Variants in COL5A2 observed in about 807,000 individuals in gnomAD.
COL5A2 encodes the protein collagen type V alpha 2 chain, also known as collagen alpha-2(V) chain.
COL5A2 carries 23 observed loss-of-function variants against 208.2 expected under a neutral mutation model. That is an observed-to-expected ratio of 0.11 (90% CI 0.08 to 0.16). The LOEUF (loss-of-function observed/expected upper bound fraction) is 0.16. Ranked by LOEUF, COL5A2 falls within the 10% of genes least tolerant of loss-of-function variation. COL5A2 has a pLI of 1.00. For synonymous variants in COL5A2, 625 were observed against 628.5 expected (o/e 0.99, Z 0.08); for missense variants, 1,590 against 1,956.4 (o/e 0.81, Z 3.53).
chr2:189,057,499 G>A (rs927735763), intron 33 of COL5A2, 72 bp from the exon 34 acceptor site: 1 of 1,125,122 alleles, frequency 8.9e-7, no homozygotes, highest in Non-Finnish European at 1.4e-6. Context: ...CTTTTTAGTG[G>A]GTCAAAAGTA....
chr2:189,129,574 G>C (rs1292418116), intron 1 of COL5A2, among the ~76,000 whole-genome samples: 1 of 151,862 alleles, frequency 6.6e-6, no homozygotes, highest in African/African-American at 2.4e-5. Context: ...AAGCTACTAG[G>C]TACTAGGTGA....
the COL5A2 span, among the ~76,000 whole-genome samples, chr2:189,293,674 A>ACCC: frequency 6.6e-6 from 1 of 152,286 alleles, no homozygotes; most frequent in Middle Eastern, 3.4e-3. Flanking sequence ...AGGACAGGCA[A>ACCC]AAAGACAGTT....
chr2:189,400,836 G>A, the COL5A2 span, among the ~76,000 whole-genome samples: 5 of 152,270 alleles, frequency 3.3e-5, no homozygotes, highest in Admixed American at 6.5e-5. Flanking sequence ...TAAACTGCAC[G>A]TGTAAAGGGG....
chr2:189,417,675 G>A, the COL5A2 span, among the ~76,000 whole-genome samples: 1 of 151,758 alleles, frequency 6.6e-6, no homozygotes, highest in African/African-American at 2.4e-5. Flanking sequence ...TCCCACATAT[G>A]GATGAGAATA....
chr2:189,084,692 T>A (rs989624337), intron 11 of COL5A2, among the ~76,000 whole-genome samples: 1 of 150,432 alleles, frequency 6.6e-6, no homozygotes, highest in Non-Finnish European at 1.5e-5. Context: ...TGGAGTTGGG[T>A]CTTAACTTTA....
the COL5A2 span, among the ~76,000 whole-genome samples, chr2:189,335,143 AT>A: frequency 1.3e-5 from 2 of 152,236 alleles, no homozygotes; most frequent in Admixed American, 6.5e-5. Flanking sequence ...GTAAGAGAAC[AT>A]CTTCACGACC....
chr2:189,157,902 T>C (rs1688285538), intron 1 of COL5A2, among the ~76,000 whole-genome samples: 1 of 151,994 alleles, frequency 6.6e-6, no homozygotes, highest in African/African-American at 2.4e-5. Flanking sequence ...AACAATATTT[T>C]TGTGGCAACT....
chr2:189,200,873 T>C (rs1689060516), intron 1 of COL5A2, among the ~76,000 whole-genome samples: 1 of 152,054 alleles, frequency 6.6e-6, no homozygotes, highest in South Asian at 2.1e-4. Flanking sequence ...CCCAGCAAGC[T>C]ATCTTTCAAA....
At chr2:189,290,717 T>TACACACACAC in the COL5A2 span, among the ~76,000 whole-genome samples, 16,935 of 136,414 alleles carry the variant, frequency 0.12, 1,220 homozygotes, top group South Asian at 0.18. Context: ...TTTTTGTTAA[T>TACACACACAC]ACACACACAC....
At chr2:189,399,382 A>G in the COL5A2 span, among the ~76,000 whole-genome samples, 1 of 150,596 alleles carries the variant, frequency 6.6e-6, no homozygotes, top group Non-Finnish European at 1.5e-5. Flanking sequence ...TCCCAAGTAG[A>G]TGGGATTACA....
At chr2:189,346,480 G>A in the COL5A2 span, among the ~76,000 whole-genome samples, 3 of 152,072 alleles carry the variant, frequency 2.0e-5, no homozygotes, top group East Asian at 1.9e-4. Context: ...CATCAAAATC[G>A]TCACATATAT....
the COL5A2 span, among the ~76,000 whole-genome samples, chr2:189,245,866 T>C: frequency 6.6e-6 from 1 of 152,202 alleles, no homozygotes; most frequent in Non-Finnish European, 1.5e-5. Flanking sequence ...ATTGATGTCA[T>C]TACAACTTTT....
intron 1 of COL5A2, among the ~76,000 whole-genome samples, chr2:189,146,397 C>A (rs1204503864): frequency 6.6e-6 from 1 of 151,948 alleles, no homozygotes; most frequent in Non-Finnish European, 1.5e-5. Context: ...ATATTGTAAT[C>A]CCATCATAGA....
chr2:189,373,304 A>G, the COL5A2 span, among the ~76,000 whole-genome samples: 2 of 152,182 alleles, frequency 1.3e-5, no homozygotes, highest in Non-Finnish European at 2.9e-5. Flanking sequence ...GATTCCTTTA[A>G]GTTTAGTTCA....
chr2:189,352,674 T>C, the COL5A2 span, among the ~76,000 whole-genome samples: 1 of 152,074 alleles, frequency 6.6e-6, no homozygotes, highest in African/African-American at 2.4e-5. Context: ...GTTTAAGTTC[T>C]TTGTAGATTC....
chr2:189,431,105 C>G, the COL5A2 span, among the ~76,000 whole-genome samples: 1 of 152,184 alleles, frequency 6.6e-6, no homozygotes, highest in South Asian at 2.1e-4. Context: ...GCTGAGGTAC[C>G]TATTAGAAGG....
At chr2:189,368,385 C>T in the COL5A2 span, among the ~76,000 whole-genome samples, 1 of 152,114 alleles carries the variant, frequency 6.6e-6, no homozygotes, top group African/African-American at 2.4e-5. Flanking sequence ...GCTGATACAC[C>T]TCACACTGCA....
chr2:189,066,379 T>C lies in COL5A2; in HGVS notation c.1563+11A>G. On this transcript the variant is annotated intron_variant, in intron 23 of 53. Coordinates refer to ENST00000374866, the MANE Select transcript of COL5A2 (RefSeq NM_000393.5). ...ACAACTGTAAGAATGTGTTGTATTA[T>C]TTAAATTTACCCTTTCTCCCACTGG... The C allele has an allele frequency of 1.0e-5, 16 of 1,605,890 alleles. No homozygotes were observed. Among genetic ancestry groups the C allele is most frequent in the Middle Eastern group, 1.7e-4 (1 of 6,048 alleles).
chr2:189,167,116 C>G (rs1688479114), intron 1 of COL5A2, among the ~76,000 whole-genome samples: 1 of 152,056 alleles, frequency 6.6e-6, no homozygotes, highest in Non-Finnish European at 1.5e-5. Context: ...TAAAAATAAG[C>G]CAGGTATTCA....
Sources: gnomAD v4.1 joint callset for allele counts (sites outside exome capture counted in the v4.1 genomes callset) on GRCh38, gnomAD v4.1.1 for gene constraint, MANE v1.5 for transcripts, NCBI Gene and HGNC (gene_info 2026-07-23, HGNC 2026-07-21) for gene names.